DUXA: variants seen among roughly 807,000 people sequenced by gnomAD.
DUXA encodes double homeobox A, also known as double homeobox protein A.
Under a neutral mutation model 27.5 loss-of-function variants are expected in DUXA, and 25 were observed. The observed-to-expected ratio is 0.91, with a 90% CI of 0.66 to 1.27. The LOEUF is 1.27. Among genes scored for constraint, DUXA ranks in the 50% most tolerant of loss-of-function variants. DUXA has a pLI of 0.00. For synonymous variants in DUXA, 90 were observed against 80.5 expected, an observed-to-expected ratio of 1.12 and a Z score of -0.63; for missense variants, 247 against 242.9, an observed-to-expected ratio of 1.02 and a Z score of -0.11.
intron 4 of DUXA, among the ~76,000 whole-genome samples, chr19:57,157,951 G>A (rs774501209): frequency 6.6e-6 from 1 of 151,480 alleles, no homozygotes; most frequent in Non-Finnish European, 1.5e-5. Flanking sequence ...GCAAGATTTC[G>A]CCGCTGCACT....
At chr19:57,156,709 G>A (rs2086994785) in intron 4 of DUXA, among the ~76,000 whole-genome samples, 1 of 152,156 alleles carries the variant, frequency 6.6e-6, no homozygotes, top group African/African-American at 2.4e-5. Context: ...TTGTTGCCCA[G>A]GCTGAATTGC....
At chr19:57,162,139 T>C (rs2087027344) in intron 1 of DUXA, among the ~76,000 whole-genome samples, 1 of 152,080 alleles carries the variant, frequency 6.6e-6, no homozygotes, top group Non-Finnish European at 1.5e-5. Flanking sequence ...TCCCCAGCCT[T>C]GGCCTCCCAA....
intron 4 of DUXA, among the ~76,000 whole-genome samples, chr19:57,157,207 T>G (rs2018351745): frequency 6.6e-6 from 1 of 152,182 alleles, no homozygotes; most frequent in African/African-American, 2.4e-5. Context: ...GAGCACTGGT[T>G]TAAACGCACA....
chr19:57,164,523 C>T (rs982113280), intron 1 of DUXA, among the ~76,000 whole-genome samples: 3 of 151,830 alleles, frequency 2.0e-5, no homozygotes, highest in East Asian at 1.9e-4. Context: ...TGCAGTGAGC[C>T]GAGATTGCAC....
chr19:57,166,541 C>T (rs964044444), intron 1 of DUXA, among the ~76,000 whole-genome samples: 25 of 152,146 alleles, frequency 1.6e-4, no homozygotes, highest in Admixed American at 2.0e-4. Flanking sequence ...AACTCCTGAC[C>T]TCGTGATCTG....
intron 5 of DUXA, among the ~76,000 whole-genome samples, 163 bp from the exon 6 acceptor site, chr19:57,154,645 G>A (rs552705770): frequency 1.3e-5 from 2 of 151,378 alleles, no homozygotes; most frequent in South Asian, 2.1e-4. Context: ...CTCACTGCAA[G>A]CTCCGCCTCC....
At chr19:57,161,578 G>A (rs894996066) in intron 1 of DUXA, among the ~76,000 whole-genome samples, 13 of 151,086 alleles carry the variant, frequency 8.6e-5, no homozygotes, top group African/African-American at 2.2e-4. Flanking sequence ...AGCCGAGATT[G>A]CGCCACTGCA....
intron 2 of DUXA, among the ~76,000 whole-genome samples, chr19:57,160,433 G>A (rs1252761282): frequency 1.3e-5 from 2 of 152,310 alleles, no homozygotes; most frequent in African/African-American, 4.8e-5. Context: ...ACGCCTACAC[G>A]TGTTCTCTCA....
At chr19:57,154,633 G>A (rs111850093) in intron 5 of DUXA, 151 bp from the exon 6 acceptor site, 49 of 558,364 alleles carry the variant, frequency 8.8e-5, no homozygotes, top group East Asian at 2.4e-4. Context: ...GCGCGATCTC[G>A]GCTCACTGCA....
At chr19:57,154,665 G>T (rs1360751188) in intron 5 of DUXA, among the ~76,000 whole-genome samples, 183 bp from the exon 6 acceptor site, 3 of 151,442 alleles carry the variant, frequency 2.0e-5, no homozygotes, top group Non-Finnish European at 4.4e-5. Context: ...CCGGGTTCAC[G>T]CCATGCTCCT....
At chr19:57,155,097 T>A (rs577216195) in intron 5 of DUXA, among the ~76,000 whole-genome samples, 170 bp downstream of exon 5, 1 of 152,238 alleles carries the variant, frequency 6.6e-6, no homozygotes, top group African/African-American at 2.4e-5. Flanking sequence ...AGAAGGTTCA[T>A]AGGCCTGGGA....
rs191880239 is a variant in DUXA, at chr19:57,161,496, A to G, written c.26-699T>C. ...AAATTAGCCGGGCGCAGTGGCGGGC[A>G]CCTGTAGTCCCAGCTACTCCGGAGG... On this transcript the variant is annotated intron_variant, in intron 1 of 5. Coordinates refer to ENST00000554048, the MANE Select transcript of DUXA (RefSeq NM_001012729.2). Among the ~76,000 whole-genome samples the G allele has an allele frequency of 6.7e-3, 922 of 137,188 alleles. 42 individuals carry two copies. Among genetic ancestry groups the G allele is most frequent in the African/African-American group, 0.023 (781 of 33,482 alleles). 90.0% of individuals were successfully genotyped at this position (137,188 alleles called of 152,430 possible).
intron 4 of DUXA, among the ~76,000 whole-genome samples, chr19:57,157,492 C>T (rs148129372): frequency 2.4e-4 from 37 of 152,034 alleles, no homozygotes; most frequent in African/African-American, 8.4e-4. Context: ...CCACCGTGCC[C>T]GGTTAATTTT....
At chr19:57,154,533 C>A in intron 5 of DUXA, 51 bp from the exon 6 acceptor site, 6 of 1,377,506 alleles carry the variant, frequency 4.4e-6, no homozygotes, top group South Asian at 2.4e-5. Context: ...AGCTTATATT[C>A]ACAAACATGG....
intron 1 of DUXA, among the ~76,000 whole-genome samples, chr19:57,164,137 G>A (rs546135712): frequency 1.8e-4 from 28 of 152,284 alleles, no homozygotes; most frequent in Admixed American, 6.5e-4. Context: ...AATGAACACT[G>A]ATGCAAAAAT....
At position 57,161,330 on chromosome 19, in the gene DUXA, A is replaced by AAAAAAAAAAAAAAAAAC. The variant is rs2087020425; in HGVS notation, c.26-534_26-533insGTTTTTTTTTTTTTTTT. On this transcript the variant is annotated intron_variant, in intron 1 of 5. Coordinates refer to ENST00000554048, the MANE Select transcript of DUXA (RefSeq NM_001012729.2). ...ACAGAGTGAGACTCTATCTCAAAAA[A>AAAAAAAAAAAAAAAAAC]AAAAAAAAAAAAACTGGGCGCGGTG... Among the ~76,000 whole-genome samples, 2 of 141,514 alleles carry AAAAAAAAAAAAAAAAAC rather than the reference A, an allele frequency of 1.4e-5. 1 individual carries two copies. The highest frequency in any genetic ancestry group is 3.0e-5 in the Non-Finnish European group (2 of 65,834). 92.8% of individuals were successfully genotyped at this position (141,514 alleles called of 152,430 possible).
At position 57,155,384 on chromosome 19, in the gene DUXA, G is replaced by A; in HGVS notation, c.439-12C>T. On this transcript the variant is annotated splice_polypyrimidine_tract_variant and intron_variant, in intron 4 of 5. Transcript: ENST00000554048. ...TTTTGGAACCAAATCTAAGTGGTAA[G>A]ACAAAGAAACTTAATTTAAACAAAG... 6.3e-7 allele frequency: 1 copy of A among 1,581,762 alleles called. No homozygotes were observed. Among genetic ancestry groups the A allele is most frequent in the South Asian group, 1.1e-5 (1 of 89,888 alleles).
intron 3 of DUXA, 65 bp from the exon 4 acceptor site, chr19:57,158,538 T>C (rs1051622358): frequency 1.1e-5 from 18 of 1,571,772 alleles, no homozygotes; most frequent in Middle Eastern, 3.4e-4. Flanking sequence ...CATTCACATA[T>C]TCAAACACAG....
At chr19:57,165,487 T>C (rs1568465314) in intron 1 of DUXA, among the ~76,000 whole-genome samples, 1 of 151,630 alleles carries the variant, frequency 6.6e-6, no homozygotes, top group Non-Finnish European at 1.5e-5. Flanking sequence ...TTTTCAAGTG[T>C]TAAAAAATTA....
Sources: allele counts gnomAD v4.1 joint callset (sites outside exome capture counted in the v4.1 genomes callset), GRCh38; gene constraint gnomAD v4.1.1; transcripts MANE v1.5; gene names NCBI Gene and HGNC (gene_info 2026-07-23, HGNC 2026-07-21).